FRMD3: variants seen among roughly 807,000 people sequenced by gnomAD.
The protein encoded by FRMD3 is FERM domain containing 3, also known as FERM domain-containing protein 3.
FRMD3 carries 33 observed loss-of-function variants against 70.2 expected under a neutral mutation model. That is an observed-to-expected ratio of 0.47 (90% CI 0.36 to 0.63). FRMD3 has a LOEUF of 0.63. Ranked by LOEUF, FRMD3 falls within the 20% of genes least tolerant of loss-of-function variation. The pLI, the probability that FRMD3 is intolerant of heterozygous loss-of-function variation, is 0.00. For synonymous variants in FRMD3, 279 were observed against 255.9 expected (o/e 1.09, Z -0.86); for missense variants, 632 against 711.4 (o/e 0.89, Z 1.27).
At chr9:83,563,067 CA>C in the FRMD3 span, among the ~76,000 whole-genome samples, 1 of 151,732 alleles carries the variant, frequency 6.6e-6, no homozygotes, top group Non-Finnish European at 1.5e-5. Context: ...GTATTATGCC[CA>C]AAATTACACA....
chr9:83,475,702 T>G (rs1269128344), intron 1 of FRMD3, among the ~76,000 whole-genome samples: 3 of 152,202 alleles, frequency 2.0e-5, no homozygotes, highest in African/African-American at 7.2e-5. Context: ...TAGAGATCAC[T>G]TTACCATGTA....
At chr9:83,360,818 T>G (rs1824557960) in intron 3 of FRMD3, among the ~76,000 whole-genome samples, 1 of 152,230 alleles carries the variant, frequency 6.6e-6, no homozygotes, top group Non-Finnish European at 1.5e-5. Flanking sequence ...CATTTAGAAC[T>G]GCATGCTATA....
chr9:83,469,655 C>T (rs571785988), intron 1 of FRMD3, among the ~76,000 whole-genome samples: 14 of 151,874 alleles, frequency 9.2e-5, no homozygotes, highest in African/African-American at 3.4e-4. Context: ...TAAATAAGAG[C>T]AACAACGTCC....
At chr9:83,451,156 G>A (rs979849415) in intron 1 of FRMD3, among the ~76,000 whole-genome samples, 1 of 152,116 alleles carries the variant, frequency 6.6e-6, no homozygotes, top group Admixed American at 6.6e-5. Flanking sequence ...AAACACTGAA[G>A]GGAAATATGC....
intron 1 of FRMD3, among the ~76,000 whole-genome samples, chr9:83,428,278 T>C (rs1826870000): frequency 1.3e-5 from 2 of 151,826 alleles, no homozygotes; most frequent in African/African-American, 2.4e-5. Flanking sequence ...CTTGGGAGGC[T>C]GAGGCAGAAG....
At chr9:83,333,043 C>T (rs865906235) in intron 6 of FRMD3, among the ~76,000 whole-genome samples, 14 of 152,216 alleles carry the variant, frequency 9.2e-5, no homozygotes, top group African/African-American at 2.9e-4. Context: ...CACCTTCAGT[C>T]CCTGTAGCAG....
chr9:83,288,236 G>A (rs1170754245), intron 13 of FRMD3, among the ~76,000 whole-genome samples: 1 of 152,120 alleles, frequency 6.6e-6, no homozygotes, highest in African/African-American at 2.4e-5. Flanking sequence ...TCTATCTAAT[G>A]AAATGCCTGA....
chr9:83,264,438 C>A (rs573705247), intron 13 of FRMD3, among the ~76,000 whole-genome samples: 78 of 152,260 alleles, frequency 5.1e-4, no homozygotes, highest in African/African-American at 1.7e-3. Flanking sequence ...CCAAGGTGAA[C>A]CCTAACGCAA....
chr9:83,579,770 C>T, the FRMD3 span, among the ~76,000 whole-genome samples: 2 of 151,826 alleles, frequency 1.3e-5, no homozygotes, highest in African/African-American at 4.8e-5. Context: ...GCCACAAAGG[C>T]AAAAATAGAC....
intron 13 of FRMD3, among the ~76,000 whole-genome samples, chr9:83,277,892 T>C (rs1382935664): frequency 1.3e-5 from 2 of 152,164 alleles, no homozygotes; most frequent in African/African-American, 4.8e-5. Context: ...CTGGGAATAG[T>C]GAGGGAAACA....
intron 1 of FRMD3, among the ~76,000 whole-genome samples, chr9:83,534,087 A>G (rs1288188521): frequency 1.3e-5 from 2 of 152,242 alleles, no homozygotes; most frequent in African/African-American, 4.8e-5. Flanking sequence ...ATCCTCCTAC[A>G]AAATCCAGAC....
intron 1 of FRMD3, among the ~76,000 whole-genome samples, chr9:83,437,680 C>A (rs767506735): frequency 3.3e-4 from 50 of 152,150 alleles, no homozygotes; most frequent in Non-Finnish European, 6.0e-4. Context: ...TTCCACCATT[C>A]TGACCCAGCT....
chr9:83,328,144 G>T (rs573938393), intron 6 of FRMD3, among the ~76,000 whole-genome samples: 18 of 150,874 alleles, frequency 1.2e-4, no homozygotes, highest in African/African-American at 3.4e-4. Context: ...TGTAGCCTTG[G>T]ATAAGTTAAT....
intron 1 of FRMD3, among the ~76,000 whole-genome samples, chr9:83,406,482 G>A (rs1403844546): frequency 6.6e-6 from 1 of 152,204 alleles, no homozygotes; most frequent in Non-Finnish European, 1.5e-5. Flanking sequence ...ATTCCAGCTA[G>A]GGCTCTTAGG....
At chr9:83,378,757 TA>T (rs1454803569) in intron 2 of FRMD3, among the ~76,000 whole-genome samples, 1 of 124,376 alleles carries the variant, frequency 8.0e-6, no homozygotes, top group Non-Finnish European at 1.6e-5. Context: ...ATATAATATA[TA>T]ATTTATATTA....
intron 3 of FRMD3, among the ~76,000 whole-genome samples, chr9:83,358,687 T>G (rs1824486097): frequency 6.7e-6 from 1 of 149,894 alleles, no homozygotes; most frequent in Admixed American, 6.7e-5. Flanking sequence ...TATTTATTTA[T>G]TTATTTATTT....
the FRMD3 span, among the ~76,000 whole-genome samples, chr9:83,567,176 G>A: frequency 6.6e-6 from 1 of 152,356 alleles, no homozygotes; most frequent in African/African-American, 2.4e-5. Context: ...ACACCACGTG[G>A]AAGCTGCCAA....
chr9:83,529,709 C>A (rs911865128), intron 1 of FRMD3, among the ~76,000 whole-genome samples: 2 of 151,966 alleles, frequency 1.3e-5, no homozygotes, highest in Non-Finnish European at 2.9e-5. Context: ...AAAAGATATC[C>A]CACAGAATGG....
intron 13 of FRMD3, among the ~76,000 whole-genome samples, chr9:83,282,291 A>G (rs1251658480): frequency 6.6e-6 from 1 of 152,232 alleles, no homozygotes; most frequent in African/African-American, 2.4e-5. Flanking sequence ...TTAAAACTTA[A>G]AAGTTGAAGG....
Sources: gnomAD v4.1 joint callset for allele counts (sites outside exome capture counted in the v4.1 genomes callset) on GRCh38, gnomAD v4.1.1 for gene constraint, MANE v1.5 for transcripts, NCBI Gene and HGNC (gene_info 2026-07-23, HGNC 2026-07-21) for gene names.